The following DVL3 variants were observed in gnomAD, a reference collection of about 807,000 sequenced individuals.
DVL3 encodes dishevelled segment polarity protein 3.
A neutral mutation model predicts 67.4 loss-of-function variants in DVL3; 27 were observed. The ratio of observed to expected loss-of-function variants is 0.40; its 90% confidence interval spans 0.30 to 0.55. DVL3 has a LOEUF of 0.55. Ranked by LOEUF, DVL3 falls within the 20% of genes least tolerant of loss-of-function variation. DVL3 has a pLI of 0.46. For synonymous variants in DVL3, 369 were observed against 396.8 expected (o/e 0.93, Z 0.83); for missense variants, 819 against 1,021.5 (o/e 0.80, Z 2.70).
intron 13 of DVL3, 77 bp downstream of exon 13, chr3:184,168,142 CTG>C: frequency 6.5e-7 from 1 of 1,530,078 alleles, no homozygotes; most frequent in East Asian, 2.3e-5. Flanking sequence ...GCAGCAGACT[CTG>C]GGGAACCCAA....
At chr3:184,156,726 C>T (rs1714203634) in intron 1 of DVL3, 1 of 293,508 alleles carries the variant, frequency 3.4e-6, no homozygotes, top group African/African-American at 2.2e-5. Context: ...GCTGATCCCC[C>T]TCGAACCCCC....
chr3:184,169,491 T>TG (rs1406562683), intron 13 of DVL3, among the ~76,000 whole-genome samples: 4 of 151,994 alleles, frequency 2.6e-5, no homozygotes, highest in Admixed American at 2.0e-4. Context: ...GGTTAGGAGT[T>TG]GGAGACCAGC....
Position 184,166,988 on chromosome 3 carries a change from C to T in DVL3, c.1198+13C>T. On this transcript the variant is annotated intron_variant, in intron 11 of 14. Transcript: ENST00000313143. The surrounding 1 kb of genome is among the most constrained non-coding windows in gnomAD (Gnocchi z 6.7). The stretch of plus-strand genomic sequence containing the variant: ...CCTGACACAGAGCGTGAGTGTCCCA[C>T]CCTGTCTCCTGGGCCCAGCAGACAG... 1 of 1,613,544 alleles carries T rather than the reference C, an allele frequency of 6.2e-7. No individual in the cohort carries two copies. Among genetic ancestry groups the T allele is most frequent in the Non-Finnish European group, 8.5e-7 (1 of 1,179,648 alleles).
At position 184,167,736 on chromosome 3, in the gene DVL3, C is replaced by A; in HGVS notation, c.1330+25C>A. The A allele has an allele frequency of 6.3e-7, 1 of 1,598,780 alleles. No individual in the cohort carries two copies. Among genetic ancestry groups the A allele is most frequent in the Non-Finnish European group, 8.5e-7 (1 of 1,171,946 alleles). The stretch of plus-strand genomic sequence containing the variant: ...GGTGAGAGAGCCCCATGGTGGGATG[C>A]AGGGTGGGTGGGGAGTGATGGGGCA... On this transcript the variant is annotated intron_variant, in intron 12 of 14. Coordinates refer to ENST00000313143, the MANE Select transcript of DVL3 (RefSeq NM_004423.4). This position sits in a 1 kb window ranked among gnomAD's most constrained non-coding sequence, Gnocchi z 4.6.
chr3:184,170,855 G>A lies in DVL3; in HGVS notation c.*100G>A. 6.4e-7 allele frequency: 1 copy of A among 1,557,262 alleles called. No individual in the cohort carries two copies. The highest frequency in any genetic ancestry group is 8.7e-7 in the Non-Finnish European group (1 of 1,151,176). ...TTTACTTTGTCTGGTACCTGAAAGG[G>A]AAATAAAAGGAACTAAATCCAGGTG... On this transcript the variant is annotated 3_prime_UTR_variant, in exon 15 of 15. Transcript: ENST00000313143. The surrounding 1 kb of genome is among the most constrained non-coding windows in gnomAD (Gnocchi z 6.5).
At position 184,155,609 on chromosome 3, in the gene DVL3, C is replaced by G. The variant is rs199803580; in HGVS notation, c.-27C>G. 470 of 1,280,350 alleles carry G rather than the reference C, an allele frequency of 3.7e-4. No homozygotes were observed. In the African/African-American group the frequency reaches 7.0e-3, roughly 19 times the overall value. 79.3% of individuals were successfully genotyped at this position (1,280,350 alleles called of 1,614,324 possible). A position where few individuals can be genotyped will look rare whatever the true frequency, so the allele number is the denominator to read the frequency against. On this transcript the variant is annotated 5_prime_UTR_variant, in exon 1 of 15. Coordinates refer to ENST00000313143, the MANE Select transcript of DVL3 (RefSeq NM_004423.4). The surrounding 1 kb of genome is among the most constrained non-coding windows in gnomAD (Gnocchi z 5.4). Reference sequence around the variant, plus strand: ...CCCGGCCGCCCGAGCAGGCCGCGCGCGGGCCGCCGGGCCCGAGGCCAGAGC... The same window carrying G: ...CCCGGCCGCCCGAGCAGGCCGCGCGGGGGCCGCCGGGCCCGAGGCCAGAGC...
Position 184,170,868 on chromosome 3 carries a change from C to T in DVL3, c.*113C>T, listed in dbSNP as rs756440326. Reference sequence around the variant, plus strand: ...GTACCTGAAAGGGAAATAAAAGGAACTAAATCCAGGTGCGCTAACTGCTCG... The same window carrying T: ...GTACCTGAAAGGGAAATAAAAGGAATTAAATCCAGGTGCGCTAACTGCTCG... On this transcript the variant is annotated 3_prime_UTR_variant, in exon 15 of 15. Transcript: ENST00000313143. This position sits in a 1 kb window ranked among gnomAD's most constrained non-coding sequence, Gnocchi z 6.5. The T allele has an allele frequency of 6.4e-7, 1 of 1,552,832 alleles. No individual in the cohort carries two copies. The highest frequency in any genetic ancestry group is 1.2e-5 in the South Asian group (1 of 84,080).
chr3:184,164,157 G>A lies in DVL3; in HGVS notation c.232-110G>A, dbSNP rs764658625. 30 of 1,337,314 alleles carry A rather than the reference G, an allele frequency of 2.2e-5. No individual in the cohort carries two copies. The African/African-American group carries it at 3.1e-4, about 14-fold the overall frequency. 82.8% of individuals were successfully genotyped at this position (1,337,314 alleles called of 1,614,324 possible). On this transcript the variant is annotated intron_variant, in intron 2 of 14. Transcript: ENST00000313143. The surrounding 1 kb of genome is among the most constrained non-coding windows in gnomAD (Gnocchi z 5.3). The stretch of plus-strand genomic sequence containing the variant: ...CGCACAGCCCTGTCTTTTCTCCCTC[G>A]ATATTTCCTGCTTCCTTCCTCTTAG...
At chr3:184,168,109 G>A (rs754981715) in intron 13 of DVL3, 44 bp downstream of exon 13, 4 of 1,590,228 alleles carry the variant, frequency 2.5e-6, no homozygotes, top group Non-Finnish European at 3.4e-6. Context: ...CTGGCTGGGA[G>A]TGGGGAGGTA....
chr3:184,165,104 G>T lies in DVL3; in HGVS notation c.600-9G>T. ...CCAGCCTGGTGGGGAACGACTGTGG[G>T]CCCCACAGGTTCAGCAGCTCCACAG... is the stretch of plus-strand genomic sequence containing the variant. On this transcript the variant is annotated splice_polypyrimidine_tract_variant and intron_variant, in intron 5 of 14. Transcript: ENST00000313143. This position sits in a 1 kb window ranked among gnomAD's most constrained non-coding sequence, Gnocchi z 4.1. 6.2e-7 allele frequency: 1 copy of T among 1,613,940 alleles called. No homozygotes were observed. The highest frequency in any genetic ancestry group is 1.1e-5 in the South Asian group (1 of 91,034).
In DVL3 at chr3:184,165,368, G is replaced by A. The variant is rs984148931; in HGVS notation, c.694-54G>A. ...GACTCACCTTGAGGAGGAGTCAGGT[G>A]GGAGTGAATTCCTGCCACCTCCACC... On this transcript the variant is annotated intron_variant, in intron 6 of 14. Coordinates refer to ENST00000313143, the MANE Select transcript of DVL3 (RefSeq NM_004423.4). This position sits in a 1 kb window ranked among gnomAD's most constrained non-coding sequence, Gnocchi z 4.1. The A allele has an allele frequency of 1.8e-5, 28 of 1,586,846 alleles. No individual in the cohort carries two copies. The Admixed American group carries it at 3.9e-4, about 22-fold the overall frequency.
intron 1 of DVL3, among the ~76,000 whole-genome samples, chr3:184,160,106 ATT>A (rs772228073): frequency 1.2e-4 from 15 of 127,124 alleles, no homozygotes; most frequent in Non-Finnish European, 1.4e-4. Flanking sequence ...CGCCCTGCTA[ATT>A]TTTTTTTTTT....
At position 184,170,127 on chromosome 3, in the gene DVL3, C is replaced by T; in HGVS notation, c.1620C>T (p.Tyr540=). 1.9e-6 allele frequency: 3 copies of T among 1,613,856 alleles called. No homozygotes were observed. The highest frequency in any genetic ancestry group is 2.5e-6 in the Non-Finnish European group (3 of 1,179,970). ...GGCCCATGGCTTTCCCGTACCAGTACCCGCCACCCCCGCACCCATACAACC... is the reference window on the plus strand; with the variant it reads ...GGCCCATGGCTTTCCCGTACCAGTATCCGCCACCCCCGCACCCATACAACC... ...APWPMAFPYQ[Y]PPPPHPYNPH... Residue 540 remains tyrosine (Y), a synonymous_variant, in exon 14 of 15, where the codon TAC becomes TAT. Coordinates refer to ENST00000313143, the MANE Select transcript of DVL3 (RefSeq NM_004423.4). This position sits in a 1 kb window ranked among gnomAD's most constrained non-coding sequence, Gnocchi z 6.5.
Position 184,166,358 on chromosome 3 carries a change from TG to T in DVL3, c.904-83del. The T allele has an allele frequency of 6.2e-7, 1 of 1,607,666 alleles. No individual in the cohort carries two copies. Among genetic ancestry groups the T allele is most frequent in the Non-Finnish European group, 8.5e-7 (1 of 1,175,180 alleles). On this transcript the variant is annotated intron_variant, in intron 8 of 14. Coordinates refer to ENST00000313143, the MANE Select transcript of DVL3 (RefSeq NM_004423.4). The surrounding 1 kb of genome is among the most constrained non-coding windows in gnomAD (Gnocchi z 6.7). ...GCTCCTTCAGAGGCCCCTTCTTGGT[TG>T]GGGGAAGACTCCCTGACCTACCAAG...
rs370680627 is a variant in DVL3, at chr3:184,165,523, C to T, written c.763+32C>T. 2 of 1,589,834 alleles carry T rather than the reference C, an allele frequency of 1.3e-6. No homozygotes were observed. The highest frequency in any genetic ancestry group is 2.7e-5 in the African/African-American group (2 of 74,416). ...CTGAGGAAACAGCACTCTCAAGCAC[C>T]TGCTATATGCCAGACACTGGGCAGA... On this transcript the variant is annotated intron_variant, in intron 7 of 14. Transcript: ENST00000313143. This position sits in a 1 kb window ranked among gnomAD's most constrained non-coding sequence, Gnocchi z 4.1.
At chr3:184,169,868 G>A in intron 13 of DVL3, 138 bp from the exon 14 acceptor site, 13 of 754,584 alleles carry the variant, frequency 1.7e-5, no homozygotes, top group Non-Finnish European at 2.5e-5. Context: ...GTCTGCAGAA[G>A]GGGGGAGCTC....
Position 184,170,106 on chromosome 3 carries a change from C to A in DVL3, c.1599C>A (p.Pro533=). ...CGCACCCGGGGGCCGCCCCTTGGCC[C>A]ATGGCTTTCCCGTACCAGTACCCGC... ...PLPHPGAAPW[P]MAFPYQYPPP... The change falls in exon 14 of 15, where the codon CCC becomes CCA. Residue 533 remains proline (P), a synonymous_variant. Transcript: ENST00000313143. This position sits in a 1 kb window ranked among gnomAD's most constrained non-coding sequence, Gnocchi z 6.5. The A allele has an allele frequency of 1.9e-6, 3 of 1,614,054 alleles. No individual in the cohort carries two copies. Among genetic ancestry groups the A allele is most frequent in the Non-Finnish European group, 2.5e-6 (3 of 1,180,018 alleles).
Position 184,164,578 on chromosome 3 carries a change from G to A in DVL3, c.440G>A (p.Arg147His), listed in dbSNP as rs146812695. Residue 147 changes from arginine (R) to histidine (H), a missense_variant, in exon 4 of 15, where the codon CGC (arginine) becomes CAC (histidine). Coordinates refer to ENST00000313143, the MANE Select transcript of DVL3 (RefSeq NM_004423.4). The surrounding 1 kb of genome is among the most constrained non-coding windows in gnomAD (Gnocchi z 5.3). ...GTGTCTGCCCAGCGAGAGCGGCCAC[G>A]CCGGAGGGATGGCCCAGAGCATGGT... ...SLVSAQRERP[R>H]RRDGPEHATR... is the part of the protein sequence containing the mutation. 1.5e-5 allele frequency: 23 copies of A among 1,562,376 alleles called. No homozygotes were observed. The highest frequency in any genetic ancestry group is 9.7e-5 in the South Asian group (8 of 82,286).
rs140489244 is a variant in DVL3 at position 184,165,773 on chromosome 3, C to T, written c.763+282C>T. 1.2e-3 allele frequency among the ~76,000 whole-genome samples: 183 copies of T among 152,336 alleles called. 1 individual carries two copies. The highest frequency in any genetic ancestry group is 4.1e-3 in the African/African-American group (169 of 41,580). Reference sequence around the variant, plus strand: ...ACATCTCTCAGCCATTGCATCCTTGCTCTCCGATTTCTGCCCTAGGTACTC... The same window carrying T: ...ACATCTCTCAGCCATTGCATCCTTGTTCTCCGATTTCTGCCCTAGGTACTC... On this transcript the variant is annotated intron_variant, in intron 7 of 14. Coordinates refer to ENST00000313143, the MANE Select transcript of DVL3 (RefSeq NM_004423.4). The surrounding 1 kb of genome is among the most constrained non-coding windows in gnomAD (Gnocchi z 4.1).
Sources: gnomAD v4.1 joint callset for allele counts (sites outside exome capture counted in the v4.1 genomes callset) on GRCh38, gnomAD v4.1.1 for gene constraint, Gnocchi (gnomAD v3.1) non-coding constraint, MANE v1.5 for transcripts, NCBI Gene and HGNC (gene_info 2026-07-23, HGNC 2026-07-21) for gene names.